Variants in VAV2 observed in about 807,000 individuals in gnomAD.
VAV2 encodes the protein vav guanine nucleotide exchange factor 2.
In VAV2, 67 loss-of-function variants were observed where a neutral mutation model predicts 132.5. The ratio of observed to expected loss-of-function variants is 0.51; its 90% CI spans 0.42 to 0.62. The LOEUF (loss-of-function observed/expected upper bound fraction) is 0.62. Ranked by LOEUF, VAV2 falls within the 20% of genes least tolerant of loss-of-function variation. The pLI is 0.00. For missense variants in VAV2, 938 were observed against 1,153.6 expected, an observed-to-expected ratio of 0.81 and a Z score of 2.71; for synonymous variants, 492 against 443.5, an observed-to-expected ratio of 1.11 and a Z score of -1.37.
intron 1 of VAV2, among the ~76,000 whole-genome samples, chr9:133,980,520 G>A (rs993300177): frequency 5.3e-5 from 8 of 152,184 alleles, no homozygotes; most frequent in African/African-American, 1.4e-4. Context: ...CCCTGACACC[G>A]CAGAGGCTGA....
At chr9:133,845,540 C>A (rs1168069069) in intron 3 of VAV2, among the ~76,000 whole-genome samples, 1 of 152,142 alleles carries the variant, frequency 6.6e-6, no homozygotes, top group Non-Finnish European at 1.5e-5. Context: ...GGCCCTCTTC[C>A]CCCTCCCTGC....
At chr9:133,843,870 C>A (rs528588885) in intron 3 of VAV2, among the ~76,000 whole-genome samples, 18 of 152,036 alleles carry the variant, frequency 1.2e-4, no homozygotes, top group Non-Finnish European at 2.2e-4. Flanking sequence ...CATGGAGTGG[C>A]GGGTTGGAAG....
At chr9:133,973,170 C>T (rs114767483) in intron 1 of VAV2, among the ~76,000 whole-genome samples, 5,851 of 152,104 alleles carry the variant, frequency 0.038, 382 homozygotes, top group African/African-American at 0.13. Flanking sequence ...TCTGCAAGCC[C>T]CCCTGTCTGC....
At chr9:133,915,832 G>A (rs1265169396) in intron 2 of VAV2, among the ~76,000 whole-genome samples, 2 of 111,068 alleles carry the variant, frequency 1.8e-5, no homozygotes, top group East Asian at 2.7e-4. Context: ...ACACGCACAC[G>A]TGCACACACA....
Position 133,857,145 on chromosome 9 carries a change from C to T in VAV2, c.380+4229G>A, listed in dbSNP as rs1837415936. On this transcript the variant is annotated intron_variant, in intron 3 of 29. Coordinates refer to ENST00000371850, the MANE Select transcript of VAV2 (RefSeq NM_001134398.2). The surrounding 1 kb of genome is among the most constrained non-coding windows in gnomAD (Gnocchi z 4.0). ...TCGGTTTCCTTCTCAGGAAGTCCTA[C>T]CCTTCACCATCTCCTCCCTCCCAGC... 1.3e-5 allele frequency among the ~76,000 whole-genome samples: 2 copies of T among 152,196 alleles called. No individual in the cohort carries two copies. Among genetic ancestry groups the T allele is most frequent in the Non-Finnish European group, 2.9e-5 (2 of 68,050 alleles).
In VAV2 at chr9:133,946,632, G is replaced by A. The variant is rs959114767; in HGVS notation, c.205-7413C>T. 5.3e-5 allele frequency among the ~76,000 whole-genome samples: 8 copies of A among 152,376 alleles called. 1 individual carries two copies. Among genetic ancestry groups the A allele is most frequent in the Admixed American group, 5.2e-4 (8 of 15,308 alleles). On this transcript the variant is annotated intron_variant, in intron 1 of 29. Coordinates refer to ENST00000371850, the MANE Select transcript of VAV2 (RefSeq NM_001134398.2). The stretch of plus-strand genomic sequence containing the variant: ...CCTGGCTGCTCTGCTTCCAGCTGGA[G>A]TGGTGCTGACTCCCTGGGGCCACAA...
chr9:133,819,602 G>C (rs112642201), intron 4 of VAV2, among the ~76,000 whole-genome samples: 5,118 of 152,212 alleles, frequency 0.034, 174 homozygotes, highest in African/African-American at 0.096. Context: ...ATACTGGGGG[G>C]GCGGAATCTG....
intron 17 of VAV2, 26 bp downstream of exon 17, chr9:133,785,750 C>T: frequency 6.2e-7 from 1 of 1,608,524 alleles, no homozygotes; most frequent in South Asian, 1.1e-5. Context: ...TGCCAGGGAC[C>T]TGGGGGCTGC....
In VAV2 at chr9:133,888,285, G is replaced by A. The variant is rs115837427; in HGVS notation, c.322-26853C>T. ...AGTTCGGGAGACGGACGGTGGTGAC[G>A]GCTGCACAGCAACGTGAGTGTGTTC... is the stretch of plus-strand genomic sequence containing the variant. On this transcript the variant is annotated intron_variant, in intron 2 of 29. Coordinates refer to ENST00000371850, the MANE Select transcript of VAV2 (RefSeq NM_001134398.2). Among the ~76,000 whole-genome samples, 1,002 of 152,336 alleles carry A rather than the reference G, an allele frequency of 6.6e-3. 13 individuals carry two copies. Among genetic ancestry groups the A allele is most frequent in the African/African-American group, 0.023 (953 of 41,570 alleles).
intron 10 of VAV2, 62 bp from the exon 11 acceptor site, chr9:133,796,586 G>A (rs1489245649): frequency 1.4e-6 from 2 of 1,471,872 alleles, no homozygotes; most frequent in East Asian, 2.3e-5. Flanking sequence ...CCACCCACCT[G>A]TACCCCCGCC....
intron 2 of VAV2, among the ~76,000 whole-genome samples, chr9:133,871,474 A>C (rs1218314324): frequency 1.1e-5 from 1 of 94,736 alleles, no homozygotes; most frequent in Non-Finnish European, 2.0e-5. Flanking sequence ...AAGCGGATGG[A>C]TGGATGGATG....
intron 3 of VAV2, among the ~76,000 whole-genome samples, chr9:133,847,367 C>T (rs1279269981): frequency 6.6e-6 from 1 of 152,222 alleles, no homozygotes; most frequent in Non-Finnish European, 1.5e-5. Flanking sequence ...GCGTGAGCAG[C>T]CCCACCTCCG....
chr9:133,950,201 A>G (rs911376072), intron 1 of VAV2, among the ~76,000 whole-genome samples: 5 of 152,322 alleles, frequency 3.3e-5, no homozygotes, highest in African/African-American at 9.6e-5. Flanking sequence ...GCCCCTCTCC[A>G]TCCTGACGGT....
At chr9:133,860,616 C>T (rs1176345627) in intron 3 of VAV2, among the ~76,000 whole-genome samples, 1 of 152,110 alleles carries the variant, frequency 6.6e-6, no homozygotes, top group Admixed American at 6.6e-5. Flanking sequence ...CCAGATGTGA[C>T]CCCATCCTCG....
At position 133,992,165 on chromosome 9, in the gene VAV2, G is replaced by C; in HGVS notation, c.114C>G (p.Arg38=). ...AVVFDLAQAL[R]DGVLLCQLLH... The stretch of plus-strand genomic sequence containing the variant: ...GCAGCTGGCACAGAAGGACCCCGTC[G>C]CGCAGCGCCTGCGCCAGGTCGAAGA... Residue 38 remains arginine, a synonymous_variant, in exon 1 of 30, where the codon CGC becomes CGG. Transcript: ENST00000371850. This position sits in a 1 kb window ranked among gnomAD's most constrained non-coding sequence, Gnocchi z 5.5. 1 of 1,599,480 alleles carries C rather than the reference G, an allele frequency of 6.3e-7. No homozygotes were observed. Among genetic ancestry groups the C allele is most frequent in the Non-Finnish European group, 8.5e-7 (1 of 1,173,302 alleles).
chr9:133,832,702 G>C (rs1165728912), intron 4 of VAV2, among the ~76,000 whole-genome samples: 1 of 152,084 alleles, frequency 6.6e-6, no homozygotes, highest in Non-Finnish European at 1.5e-5. Context: ...GGGATTACAG[G>C]TGCCCACCAT....
chr9:133,929,269 G>A (rs575769042), intron 2 of VAV2, among the ~76,000 whole-genome samples: 2 of 152,206 alleles, frequency 1.3e-5, no homozygotes, highest in East Asian at 1.9e-4. Context: ...GTTCAAGTCC[G>A]GACAGTGGTG....
rs553160111 is a variant in VAV2 at position 133,823,610 on chromosome 9, G to T, written c.449+10662C>A. On this transcript the variant is annotated intron_variant, in intron 4 of 29. Coordinates refer to ENST00000371850, the MANE Select transcript of VAV2 (RefSeq NM_001134398.2). This position sits in a 1 kb window ranked among gnomAD's most constrained non-coding sequence, Gnocchi z 5.5. ...AACAGCACGAGGAGGGCGATTTAGA[G>T]GGGGAGGGACCTTCATCAGACACAG... 3.3e-5 allele frequency among the ~76,000 whole-genome samples: 5 copies of T among 152,172 alleles called. No individual in the cohort carries two copies. Among genetic ancestry groups the T allele is most frequent in the East Asian group, 1.9e-4 (1 of 5,194 alleles).
intron 2 of VAV2, among the ~76,000 whole-genome samples, chr9:133,895,651 G>T (rs12001519): frequency 1.0e-3 from 152 of 152,248 alleles, no homozygotes; most frequent in African/African-American, 3.3e-3. Context: ...AATTTGGGGG[G>T]GATGAGGAGT....
Sources: gnomAD v4.1 joint callset for allele counts (sites outside exome capture counted in the v4.1 genomes callset) on GRCh38, gnomAD v4.1.1 for gene constraint, Gnocchi (gnomAD v3.1) non-coding constraint, MANE v1.5 for transcripts, NCBI Gene and HGNC (gene_info 2026-07-23, HGNC 2026-07-21) for gene names.